The following PGM1 variants were observed in gnomAD, a reference collection of about 807,000 sequenced individuals.
The protein encoded by PGM1 is phosphoglucomutase-1.
A neutral mutation model predicts 55.6 loss-of-function variants in PGM1; 52 were observed. The ratio of observed to expected loss-of-function variants is 0.94; its 90% CI spans 0.75 to 1.18. The LOEUF (loss-of-function observed/expected upper bound fraction) is 1.18, where lower values mean the gene tolerates loss of function less well. Among genes scored for constraint, PGM1 ranks in the 50% most tolerant of loss-of-function variants. PGM1 has a pLI of 0.00. For synonymous variants in PGM1, 287 were observed against 271.7 expected (o/e 1.06, Z -0.55); for missense variants, 724 against 729.3 (o/e 0.99, Z 0.08).
chr1:63,630,721 GAATA>G (rs1156601615), intron 3 of PGM1, among the ~76,000 whole-genome samples: 1 of 152,204 alleles, frequency 6.6e-6, no homozygotes, highest in African/African-American at 2.4e-5. Flanking sequence ...ATAATTGACA[GAATA>G]AATATTTATA....
At chr1:63,651,049 TG>T (rs1381580208) in intron 8 of PGM1, among the ~76,000 whole-genome samples, 3 of 152,024 alleles carry the variant, frequency 2.0e-5, no homozygotes, top group African/African-American at 7.3e-5. Context: ...GTTCTGCACA[TG>T]TATCTTGAAA....
At chr1:63,628,097 G>T (rs3819912) in intron 1 of PGM1, among the ~76,000 whole-genome samples, 20,383 of 152,102 alleles carry the variant, frequency 0.13, 1,389 homozygotes, top group African/African-American at 0.17. Context: ...TGTTTGCAGT[G>T]GTACTTGGGA....
At chr1:63,600,956 T>C (rs1038607640) in intron 1 of PGM1, among the ~76,000 whole-genome samples, 1 of 152,178 alleles carries the variant, frequency 6.6e-6, no homozygotes, top group Non-Finnish European at 1.5e-5. Context: ...TTTTTCTCTC[T>C]TGGACTCTAG....
At chr1:63,643,893 A>C (rs1649585505) in intron 7 of PGM1, among the ~76,000 whole-genome samples, 1 of 152,212 alleles carries the variant, frequency 6.6e-6, no homozygotes, top group Non-Finnish European at 1.5e-5. Context: ...CTTTCCAGGC[A>C]GTGAGAACTG....
chr1:63,634,452 A>C (rs1206013048), intron 4 of PGM1, among the ~76,000 whole-genome samples: 4 of 152,194 alleles, frequency 2.6e-5, no homozygotes, highest in Non-Finnish European at 5.9e-5. Context: ...ATTTGAACCC[A>C]GACACTCTGA....
At chr1:63,639,482 C>G (rs753832673) in intron 7 of PGM1, among the ~76,000 whole-genome samples, 33 of 151,892 alleles carry the variant, frequency 2.2e-4, no homozygotes, top group Non-Finnish European at 4.1e-4. Context: ...GAACTCCCAC[C>G]TCCTTCACGA....
intron 8 of PGM1, among the ~76,000 whole-genome samples, chr1:63,649,805 T>C (rs904700573): frequency 1.2e-4 from 19 of 152,214 alleles, no homozygotes; most frequent in African/African-American, 4.1e-4. Context: ...AAATCCCTAC[T>C]TTATAACAGA....
At chr1:63,623,279 C>G in intron 1 of PGM1, 1 of 1,433,110 alleles carries the variant, frequency 7.0e-7, no homozygotes, top group Non-Finnish European at 9.1e-7. Context: ...TTAACTTGTT[C>G]ACAAGGGACA....
At chr1:63,644,209 C>T (rs60697029) in intron 7 of PGM1, among the ~76,000 whole-genome samples, 2,880 of 152,214 alleles carry the variant, frequency 0.019, 76 homozygotes, top group African/African-American at 0.066. Context: ...CTGATTAGGC[C>T]GAAGTAAAGT....
At chr1:63,616,120 A>G (rs146146494) in intron 1 of PGM1, among the ~76,000 whole-genome samples, 344 of 152,334 alleles carry the variant, frequency 2.3e-3, no homozygotes, top group African/African-American at 8.0e-3. Context: ...GTAAGTTAGA[A>G]TGGGGAAAGT....
At chr1:63,629,897 T>C in intron 2 of PGM1, 45 bp from the exon 3 acceptor site, 2 of 1,610,042 alleles carry the variant, frequency 1.2e-6, no homozygotes, top group African/African-American at 1.3e-5. Context: ...TGTATTTCCA[T>C]GTGAGCTGCA....
intron 1 of PGM1, among the ~76,000 whole-genome samples, chr1:63,621,138 T>G (rs1648868537): frequency 6.6e-6 from 1 of 152,142 alleles, no homozygotes; most frequent in Non-Finnish European, 1.5e-5. Flanking sequence ...AATAGAAGCT[T>G]TTCTAGGGCA....
At chr1:63,615,817 C>T (rs1648697554) in intron 1 of PGM1, among the ~76,000 whole-genome samples, 1 of 151,796 alleles carries the variant, frequency 6.6e-6, no homozygotes, top group South Asian at 2.1e-4. Flanking sequence ...TTAAAAGCCC[C>T]AGAGTCCCAC....
Position 63,614,511 on chromosome 1 carries a change from CTT to C in PGM1, c.247-14913_247-14912del, listed in dbSNP as rs1178370148. 2.6e-5 allele frequency among the ~76,000 whole-genome samples: 4 copies of C among 152,184 alleles called. No homozygotes were observed. In the East Asian group the frequency reaches 7.7e-4, roughly 29 times the overall value. On this transcript the variant is annotated intron_variant, in intron 1 of 10. Coordinates refer to ENST00000371084, the MANE Select transcript of PGM1 (RefSeq NM_002633.3). Reference sequence around the variant, plus strand: ...CATTTACCCACATGCTTTAAAAGCTCTTGTTTATTGAGTCTTTGCTGTTCACC... The same window carrying C: ...CATTTACCCACATGCTTTAAAAGCTCGTTTATTGAGTCTTTGCTGTTCACC...
intron 1 of PGM1, among the ~76,000 whole-genome samples, chr1:63,594,788 C>CA (rs34661751): frequency 0.31 from 27,835 of 90,008 alleles, 3,897 homozygotes; most frequent in East Asian, 0.43. Context: ...CTAAAAAATA[C>CA]AAAAAAAAAA....
At chr1:63,648,385 C>T in intron 7 of PGM1, 132 bp from the exon 8 acceptor site, 1 of 928,648 alleles carries the variant, frequency 1.1e-6, no homozygotes, top group Non-Finnish European at 1.7e-6. Context: ...CCCCATGATC[C>T]AATCACTTCC....
chr1:63,632,669 T>A (rs1369650093), intron 4 of PGM1, among the ~76,000 whole-genome samples: 1 of 152,206 alleles, frequency 6.6e-6, no homozygotes, highest in African/African-American at 2.4e-5. Context: ...ACTGGGCAGA[T>A]TACTTTCTTC....
rs572806911 is a variant in PGM1, at chr1:63,649,139, T to A, written c.1280+487T>A. Among the ~76,000 whole-genome samples, 33 of 152,334 alleles carry A rather than the reference T, an allele frequency of 2.2e-4. 1 individual carries two copies. The South Asian group carries it at 6.8e-3, about 32-fold the overall frequency. On this transcript the variant is annotated intron_variant, in intron 8 of 10. Coordinates refer to ENST00000371084, the MANE Select transcript of PGM1 (RefSeq NM_002633.3). ...CTGAAAGCCTAGAAACTTTTTTTCATAAATTATAGAAACAGTTATGCTTAG... is the reference window on the plus strand; with the variant it reads ...CTGAAAGCCTAGAAACTTTTTTTCAAAAATTATAGAAACAGTTATGCTTAG...
At chr1:63,600,982 T>A (rs1238614956) in intron 1 of PGM1, among the ~76,000 whole-genome samples, 1 of 152,172 alleles carries the variant, frequency 6.6e-6, no homozygotes, top group African/African-American at 2.4e-5. Flanking sequence ...GGAAAACTTT[T>A]CATCTACCCT....
Sources: gnomAD v4.1 joint callset for allele counts (sites outside exome capture counted in the v4.1 genomes callset) on GRCh38, gnomAD v4.1.1 for gene constraint, MANE v1.5 for transcripts, NCBI Gene and HGNC (gene_info 2026-07-23, HGNC 2026-07-21) for gene names.